TBL1X: variants seen among roughly 807,000 people sequenced by gnomAD.
The protein encoded by TBL1X is transducin beta like 1 X-linked.
A neutral mutation model predicts 50.7 loss-of-function variants in TBL1X; 10 were observed. That is an observed-to-expected ratio of 0.20 (90% CI 0.12 to 0.33). The LOEUF is 0.33. Ranked by LOEUF, TBL1X falls within the 10% of genes least tolerant of loss-of-function variation. The probability of loss-of-function intolerance (pLI) is 1.00; values close to 1 mark genes in which losing one functional copy is unlikely to be tolerated. For missense variants in TBL1X, 340 were observed against 504.4 expected, an observed-to-expected ratio of 0.67 and a Z score of 3.12; for synonymous variants, 190 against 214.7, an observed-to-expected ratio of 0.88 and a Z score of 1.01.
At chrX:9,705,397 A>G (rs773545744) in intron 13 of TBL1X, among the ~76,000 whole-genome samples, 3 of 111,751 alleles carry the variant, frequency 2.7e-5, no homozygotes, top group Admixed American at 9.5e-5. Flanking sequence ...CATCAAGGAA[A>G]GGATGCTCAC....
intron 5 of TBL1X, among the ~76,000 whole-genome samples, chrX:9,658,760 C>T (rs1415446023): frequency 1.8e-5 from 2 of 111,501 alleles, no homozygotes; most frequent in African/African-American, 3.3e-5. Context: ...GCAAGATAAT[C>T]GGGTGATACA....
At chrX:9,685,720 T>TTC (rs1172970174) in intron 6 of TBL1X, among the ~76,000 whole-genome samples, 13 of 90,621 alleles carry the variant, frequency 1.4e-4, no homozygotes, top group East Asian at 3.4e-4. Flanking sequence ...TTCTTTTCTT[T>TTC]TTTTTTTTTT....
chrX:9,693,164 T>C lies in TBL1X; in HGVS notation c.907T>C (p.Leu303=), dbSNP rs772589843. The C allele has an allele frequency of 1.7e-6, 2 of 1,211,768 alleles. No individual in the cohort carries two copies. The highest frequency in any genetic ancestry group is 5.9e-5 in the East Asian group (2 of 33,844). Residue 303 remains leucine, a synonymous_variant, in exon 10 of 18, where the codon TTG becomes CTG. Transcript: ENST00000645353. ...SLDWNTNGTL[L]ATGSYDGFAR... ...TGGCCCTCAGACCAATGGAACACTC[T>C]TGGCTACGGGTTCATATGACGGTTT...
intron 5 of TBL1X, among the ~76,000 whole-genome samples, chrX:9,678,283 A>G (rs1166293784): frequency 8.9e-6 from 1 of 112,221 alleles, no homozygotes; most frequent in Non-Finnish European, 1.9e-5. Flanking sequence ...AGGAGCAGAT[A>G]GTAAATATCC....
intron 2 of TBL1X, among the ~76,000 whole-genome samples, chrX:9,577,437 C>T (rs764255016): frequency 3.6e-5 from 4 of 111,771 alleles, no homozygotes; most frequent in Non-Finnish European, 5.6e-5. Flanking sequence ...TTGGTGGCTG[C>T]TCAAAACCGC....
intron 2 of TBL1X, among the ~76,000 whole-genome samples, chrX:9,545,989 C>A (rs779987125): frequency 8.9e-6 from 1 of 111,755 alleles, no homozygotes; most frequent in South Asian, 3.8e-4. Flanking sequence ...CGCTGCACAG[C>A]TGATGATTAT....
Position 9,527,824 on chromosome X carries a change from G to T in TBL1X, c.-131+25975G>T, listed in dbSNP as rs182570779. ...ACTTTTTCTTTTTCTTGGTGGAGGA[G>T]TGGAGCAGGGTCTTGCTCTGTTGCT... On this transcript the variant is annotated intron_variant, in intron 2 of 17. Transcript: ENST00000645353. Among the ~76,000 whole-genome samples, 5 of 110,898 alleles carry T rather than the reference G, an allele frequency of 4.5e-5. No individual in the cohort carries two copies. The East Asian group carries it at 1.1e-3, about 25-fold the overall frequency.
chrX:9,678,964 A>C (rs758176263), intron 5 of TBL1X, among the ~76,000 whole-genome samples: 32 of 111,246 alleles, frequency 2.9e-4, no homozygotes, highest in Non-Finnish European at 4.9e-4. Flanking sequence ...TTTACATGGA[A>C]GATCCTACCA....
chrX:9,592,113 TC>T (rs2082503562), intron 2 of TBL1X, among the ~76,000 whole-genome samples: 1 of 112,360 alleles, frequency 8.9e-6, no homozygotes, highest in African/African-American at 3.2e-5. Flanking sequence ...TGACTCCTGT[TC>T]CTGTCTTCTA....
intron 2 of TBL1X, among the ~76,000 whole-genome samples, chrX:9,553,602 G>A (rs2082281115): frequency 1.8e-5 from 2 of 111,462 alleles, no homozygotes; most frequent in South Asian, 7.7e-4. Context: ...TGGGACTTTT[G>A]CTAACTGTTT....
intron 5 of TBL1X, among the ~76,000 whole-genome samples, chrX:9,675,458 C>T (rs1430405339): frequency 1.8e-5 from 2 of 111,569 alleles, no homozygotes; most frequent in Non-Finnish European, 3.8e-5. Flanking sequence ...GACCTGCCTG[C>T]TTGGTGAAAA....
At chrX:9,539,115 G>A (rs2082203025) in intron 2 of TBL1X, among the ~76,000 whole-genome samples, 2 of 112,319 alleles carry the variant, frequency 1.8e-5, no homozygotes, top group South Asian at 7.4e-4. Context: ...ATGAGGAAAA[G>A]GATACATTGT....
At chrX:9,492,841 GTGT>G (rs1569206038) in intron 1 of TBL1X, among the ~76,000 whole-genome samples, 23 of 8,884 alleles carry the variant, frequency 2.6e-3, no homozygotes, top group African/African-American at 6.8e-3. Flanking sequence ...GCTAGAGGGT[GTGT>G]GTGTGTGTGT....
chrX:9,689,195 A>T (rs1032178069), intron 7 of TBL1X, among the ~76,000 whole-genome samples: 1 of 112,731 alleles, frequency 8.9e-6, no homozygotes, highest in Non-Finnish European at 1.9e-5. Flanking sequence ...GCAGCCATGC[A>T]GCCCAGCAGT....
At position 9,717,533 on chromosome X, in the gene TBL1X, A is replaced by G. The variant is rs1206511024; in HGVS notation, c.*1287A>G. On this transcript the variant is annotated 3_prime_UTR_variant, in exon 18 of 18. Transcript: ENST00000645353. ...AAGAACCTCGCATCTTTTGGTGTGT[A>G]TGCACCTTGGCAGCCAGCAGGAAAG... is the stretch of plus-strand genomic sequence containing the variant. 8.9e-6 allele frequency: 1 copy of G among 112,720 alleles called. No homozygotes were observed. The highest frequency in any genetic ancestry group is 3.2e-5 in the African/African-American group (1 of 31,021). The allele number at this position is 112,720 out of a possible 1,213,427, so 9.3% of individuals were successfully genotyped here. A position where few individuals can be genotyped will look rare whatever the true frequency, so the allele number is the denominator to read the frequency against.
chrX:9,569,179 G>T (rs2082370574), intron 2 of TBL1X, among the ~76,000 whole-genome samples: 1 of 106,754 alleles, frequency 9.4e-6, no homozygotes, highest in African/African-American at 3.5e-5. Context: ...TATGTGTGTT[G>T]TGTCTATCTG....
At chrX:9,565,271 C>CAAAAAAAAAAAAAAAAAAA (rs757679440) in intron 2 of TBL1X, among the ~76,000 whole-genome samples, 1 of 37,394 alleles carries the variant, frequency 2.7e-5, no homozygotes. Flanking sequence ...GACTCCGTCT[C>CAAAAAAAAAAAAAAAAAAA]AAAAAAAAAA....
At chrX:9,606,043 T>C (rs1244948386) in intron 2 of TBL1X, among the ~76,000 whole-genome samples, 1 of 112,295 alleles carries the variant, frequency 8.9e-6, no homozygotes. Flanking sequence ...ACCAGGTGGT[T>C]CTGGCTCAGG....
intron 5 of TBL1X, among the ~76,000 whole-genome samples, chrX:9,677,856 G>C (rs2083003711): frequency 8.9e-6 from 1 of 112,005 alleles, no homozygotes; most frequent in Non-Finnish European, 1.9e-5. Flanking sequence ...AGAATTGAAA[G>C]GGACCTTGTA....
Sources: allele counts gnomAD v4.1 joint callset (sites outside exome capture counted in the v4.1 genomes callset), GRCh38; gene constraint gnomAD v4.1.1; transcripts MANE v1.5; gene names NCBI Gene and HGNC (gene_info 2026-07-23, HGNC 2026-07-21).